SLC5A10: variants seen among roughly 807,000 people sequenced by gnomAD.
The protein encoded by SLC5A10 is sodium/mannose cotransporter SLC5A10.
SLC5A10 carries 55 observed loss-of-function variants against 68.9 expected under a neutral mutation model. The observed-to-expected ratio is 0.80, with a 90% CI of 0.64 to 1.00. The LOEUF is 1.00. SLC5A10 is among the 50% of genes least tolerant of loss of function. The pLI is 0.00. For synonymous variants in SLC5A10, 344 were observed against 344.8 expected, an observed-to-expected ratio of 1.00 and a Z score of 0.02; for missense variants, 732 against 819.3, an observed-to-expected ratio of 0.89 and a Z score of 1.30.
intron 8 of SLC5A10, among the ~76,000 whole-genome samples, chr17:18,974,910 G>A (rs550931986): frequency 7.9e-5 from 12 of 152,240 alleles, no homozygotes; most frequent in Non-Finnish European, 1.6e-4. Context: ...CATCTGAGTT[G>A]GGGGCCCAGC....
At chr17:19,012,603 C>T (rs1013158279) in intron 9 of SLC5A10, among the ~76,000 whole-genome samples, 2 of 152,148 alleles carry the variant, frequency 1.3e-5, no homozygotes, top group South Asian at 2.1e-4. Flanking sequence ...GACCGGAATT[C>T]GGGAAGGAGG....
chr17:19,004,307 G>A lies in SLC5A10; in HGVS notation c.983-9103G>A, dbSNP rs1442747442. On this transcript the variant is annotated intron_variant, in intron 9 of 14. Coordinates refer to ENST00000395645, the MANE Select transcript of SLC5A10 (RefSeq NM_001042450.4). This position sits in a 1 kb window ranked among gnomAD's most constrained non-coding sequence, Gnocchi z 5.4. Reference sequence around the variant, plus strand: ...CTGGGGCTGGGAAGATGAGGTGGGGGCACTGGACTGGGATGGGAAGAAAGT... The same window carrying A: ...CTGGGGCTGGGAAGATGAGGTGGGGACACTGGACTGGGATGGGAAGAAAGT... 4.4e-6 allele frequency: 2 copies of A among 458,070 alleles called. No individual in the cohort carries two copies. Among genetic ancestry groups the A allele is most frequent in the African/African-American group, 4.2e-5 (2 of 47,418 alleles). 28.4% of individuals were successfully genotyped at this position (458,070 alleles called of 1,614,324 possible).
rs1256185432 is a variant in SLC5A10, at chr17:19,004,078, TG to T, written c.983-9329del. The T allele has an allele frequency of 6.5e-7, 1 of 1,550,192 alleles. No homozygotes were observed. Among genetic ancestry groups the T allele is most frequent in the Non-Finnish European group, 8.7e-7 (1 of 1,148,176 alleles). On this transcript the variant is annotated intron_variant, in intron 9 of 14. Coordinates refer to ENST00000395645, the MANE Select transcript of SLC5A10 (RefSeq NM_001042450.4). This position sits in a 1 kb window ranked among gnomAD's most constrained non-coding sequence, Gnocchi z 5.4. ...CCCGGGCACTGCTGCCGGGGGTGGG[TG>T]GGCAAGGTCCAGCTCCTAGCTCCGG...
intron 8 of SLC5A10, among the ~76,000 whole-genome samples, chr17:18,972,043 G>A (rs2042869358): frequency 6.6e-6 from 1 of 152,222 alleles, no homozygotes; most frequent in African/African-American, 2.4e-5. Context: ...GAAATGGGCT[G>A]AATGGGGTTG....
intron 1 of SLC5A10, among the ~76,000 whole-genome samples, chr17:18,955,786 G>T (rs1039065350): frequency 6.6e-6 from 1 of 152,238 alleles, no homozygotes; most frequent in Non-Finnish European, 1.5e-5. Flanking sequence ...GTTCTGAACT[G>T]GGTGTGGTGG....
chr17:18,976,858 T>C lies in SLC5A10; in HGVS notation c.851T>C (p.Ile284Thr). ...ATWYWCTDQV[I>T]VQRSLSARDL... The stretch of plus-strand genomic sequence containing the variant: ...CGTCTCGCACTCCACCCCCAGGTCA[T>C]CGTGCAGCGATCACTGTCAGCCCGG... Residue 284 changes from isoleucine (I) to threonine (T), a missense_variant, in exon 9 of 15, where the codon ATC (isoleucine) becomes ACC (threonine). By Grantham distance (89) the Ile-to-Thr change is moderately conservative. Coordinates refer to ENST00000395645, the MANE Select transcript of SLC5A10 (RefSeq NM_001042450.4). 1 of 1,613,342 alleles carries C rather than the reference T, an allele frequency of 6.2e-7. No individual in the cohort carries two copies. Among genetic ancestry groups the C allele is most frequent in the Non-Finnish European group, 8.5e-7 (1 of 1,179,992 alleles).
chr17:18,987,149 G>A (rs574070802), intron 9 of SLC5A10, among the ~76,000 whole-genome samples: 23 of 152,292 alleles, frequency 1.5e-4, no homozygotes, highest in Middle Eastern at 3.4e-3. Flanking sequence ...CCAGACTGGC[G>A]GTGCCCCTTC....
chr17:18,998,718 C>T (rs1008229471), intron 9 of SLC5A10, among the ~76,000 whole-genome samples: 1 of 152,228 alleles, frequency 6.6e-6, no homozygotes, highest in Admixed American at 6.5e-5. Context: ...CAGGAGTTAA[C>T]ACCTGGGATT....
chr17:18,972,016 G>C (rs1002389720), intron 8 of SLC5A10, among the ~76,000 whole-genome samples: 1 of 152,208 alleles, frequency 6.6e-6, no homozygotes, highest in Non-Finnish European at 1.5e-5. Context: ...TTCCGACACA[G>C]GCCTGGGACG....
Position 19,017,650 on chromosome 17 carries a change from C to G in SLC5A10, c.1242-1773C>G, listed in dbSNP as rs572967680. Reference sequence around the variant, plus strand: ...CTCAGTCCACTGTTCCGCCACTGCCCCCCTGCCCCACTCTCCCCTGTCTGT... The same window carrying G: ...CTCAGTCCACTGTTCCGCCACTGCCGCCCTGCCCCACTCTCCCCTGTCTGT... On this transcript the variant is annotated intron_variant, in intron 11 of 14. Coordinates refer to ENST00000395645, the MANE Select transcript of SLC5A10 (RefSeq NM_001042450.4). The surrounding 1 kb of genome is among the most constrained non-coding windows in gnomAD (Gnocchi z 5.6). The G allele has an allele frequency of 4.7e-5, 22 of 471,910 alleles. No homozygotes were observed. In the East Asian group the frequency reaches 8.6e-4, roughly 18 times the overall value. The allele number at this position is 471,910 out of a possible 1,614,324, so 29.2% of individuals were successfully genotyped here.
chr17:18,958,794 G>T lies in SLC5A10; in HGVS notation c.183+41G>T, dbSNP rs372118121. The T allele has an allele frequency of 5.6e-6, 9 of 1,604,706 alleles. No homozygotes were observed. The East Asian group carries it at 1.3e-4, about 24-fold the overall frequency. ...CTTCTCACACACCCCCACTTTGTCC[G>T]TGGGGCTGTGTCTGATCTCTAGGTC... On this transcript the variant is annotated intron_variant, in intron 2 of 14. Coordinates refer to ENST00000395645, the MANE Select transcript of SLC5A10 (RefSeq NM_001042450.4).
Position 18,968,997 on chromosome 17 carries a change from G to T in SLC5A10, c.454-55G>T. 6.5e-7 allele frequency: 1 copy of T among 1,549,004 alleles called. No homozygotes were observed. Among genetic ancestry groups the T allele is most frequent in the Non-Finnish European group, 8.7e-7 (1 of 1,144,584 alleles). On this transcript the variant is annotated intron_variant, in intron 5 of 14. Coordinates refer to ENST00000395645, the MANE Select transcript of SLC5A10 (RefSeq NM_001042450.4). This position sits in a 1 kb window ranked among gnomAD's most constrained non-coding sequence, Gnocchi z 4.1. ...CCTTGCCCGAGGTCACCCAGGGAGT[G>T]GCTTGCTGGAGCCCTGGGAATAACA...
At chr17:18,995,370 T>G (rs945361208) in intron 9 of SLC5A10, among the ~76,000 whole-genome samples, 2 of 152,022 alleles carry the variant, frequency 1.3e-5, no homozygotes, top group Non-Finnish European at 2.9e-5. Context: ...AATTAACAGA[T>G]TAAACACTAT....
chr17:19,004,209 G>C lies in SLC5A10; in HGVS notation c.983-9201G>C. 1.7e-6 allele frequency: 1 copy of C among 595,256 alleles called. No individual in the cohort carries two copies. Among genetic ancestry groups the C allele is most frequent in the Non-Finnish European group, 2.8e-6 (1 of 359,148 alleles). 36.9% of individuals were successfully genotyped at this position (595,256 alleles called of 1,614,324 possible). ...TGATGAGCCCGGCTCGGCGGGGAGG[G>C]CGGGCCGCGCGGGGAGGGGCGGCGG... is the stretch of plus-strand genomic sequence containing the variant. On this transcript the variant is annotated intron_variant, in intron 9 of 14. Transcript: ENST00000395645. This position sits in a 1 kb window ranked among gnomAD's most constrained non-coding sequence, Gnocchi z 5.4.
chr17:19,012,355 C>G (rs1024006248), intron 9 of SLC5A10, among the ~76,000 whole-genome samples: 1 of 152,206 alleles, frequency 6.6e-6, no homozygotes, highest in Non-Finnish European at 1.5e-5. Flanking sequence ...AGGGTTCAGT[C>G]GGGATCTGGC....
At chr17:18,994,684 G>A (rs2043520107) in intron 9 of SLC5A10, among the ~76,000 whole-genome samples, 2 of 152,152 alleles carry the variant, frequency 1.3e-5, no homozygotes, top group Admixed American at 1.3e-4. Flanking sequence ...GTCCTGCAGG[G>A]GGTGTCCTCA....
intron 9 of SLC5A10, chr17:18,978,445 C>T (rs2043042036): frequency 1.2e-6 from 2 of 1,603,996 alleles, no homozygotes; most frequent in Non-Finnish European, 1.7e-6. Flanking sequence ...GGTACTCAAA[C>T]ATGTTGGCCC....
At chr17:18,977,992 T>C (rs774634921) in intron 9 of SLC5A10, 1 of 1,570,920 alleles carries the variant, frequency 6.4e-7, no homozygotes, top group Non-Finnish European at 8.6e-7. Context: ...GGGTCACAGA[T>C]AGCTGCCGCT....
In SLC5A10 at chr17:19,000,331, G is replaced by A. The variant is rs1178487945; in HGVS notation, c.983-13079G>A. On this transcript the variant is annotated intron_variant, in intron 9 of 14. Transcript: ENST00000395645. This position sits in a 1 kb window ranked among gnomAD's most constrained non-coding sequence, Gnocchi z 5.2. ...GGGCAGCAAGGTGTCAGGGCTGAAG[G>A]GGCCCCTAACAGTCTTCAATACCTG... Among the ~76,000 whole-genome samples, 1 of 152,168 alleles carries A rather than the reference G, an allele frequency of 6.6e-6. No homozygotes were observed. Among genetic ancestry groups the A allele is most frequent in the South Asian group, 2.1e-4 (1 of 4,832 alleles).
Sources: allele counts gnomAD v4.1 joint callset (sites outside exome capture counted in the v4.1 genomes callset), GRCh38; gene constraint gnomAD v4.1.1; non-coding constraint Gnocchi (gnomAD v3.1); transcripts MANE v1.5; gene names NCBI Gene and HGNC (gene_info 2026-07-23, HGNC 2026-07-21).